Variants in ME2 observed in about 807,000 individuals in gnomAD.
ME2 encodes the protein malic enzyme 2, also known as NAD-dependent malic enzyme, mitochondrial.
ME2 carries 60 observed loss-of-function variants against 73.7 expected under a neutral mutation model. The observed-to-expected ratio is 0.81, with a 90% confidence interval of 0.66 to 1.01. The LOEUF is 1.01. ME2 is among the 50% of genes least tolerant of loss of function. The probability of loss-of-function intolerance (pLI) is 0.00; values close to 1 mark genes in which losing one functional copy is unlikely to be tolerated. For synonymous variants in ME2, 199 were observed against 236.9 expected, an observed-to-expected ratio of 0.84 and a Z score of 1.47; for missense variants, 594 against 705.5, an observed-to-expected ratio of 0.84 and a Z score of 1.79.
intron 2 of ME2, among the ~76,000 whole-genome samples, chr18:50,904,140 T>C (rs1383732196): frequency 6.6e-6 from 1 of 152,240 alleles, no homozygotes; most frequent in Admixed American, 6.5e-5. Context: ...TTAAAGTCTG[T>C]TTTGTCTATT....
chr18:50,921,238 T>C, intron 10 of ME2, 51 bp downstream of exon 10: 1 of 943,818 alleles, frequency 1.1e-6, no homozygotes, highest in Non-Finnish European at 1.6e-6. Context: ...TATTTTTAGT[T>C]GGATTTTTAA....
chr18:50,919,800 T>C (rs552636061), intron 7 of ME2, among the ~76,000 whole-genome samples: 132 of 152,138 alleles, frequency 8.7e-4, no homozygotes, highest in Non-Finnish European at 1.5e-3. Context: ...AGAAAGTCCC[T>C]CTTCTCTAAT....
intron 15 of ME2, among the ~76,000 whole-genome samples, chr18:50,942,041 A>T (rs917354480): frequency 2.0e-5 from 3 of 151,938 alleles, no homozygotes; most frequent in African/African-American, 7.3e-5. Flanking sequence ...AAAGTTTTTT[A>T]TGGAATTATT....
intron 1 of ME2, among the ~76,000 whole-genome samples, chr18:50,891,240 TAGAG>T (rs1347495472): frequency 8.5e-5 from 13 of 152,156 alleles, no homozygotes; most frequent in African/African-American, 1.7e-4. Context: ...TTATTTCAAA[TAGAG>T]AGAATTTAAG....
intron 12 of ME2, among the ~76,000 whole-genome samples, chr18:50,926,500 C>T (rs1917556544): frequency 6.6e-6 from 1 of 152,098 alleles, no homozygotes; most frequent in African/African-American, 2.4e-5. Flanking sequence ...TGTATTTATT[C>T]CACATGGGGA....
At chr18:50,936,785 G>C (rs988326133) in intron 13 of ME2, among the ~76,000 whole-genome samples, 7 of 152,084 alleles carry the variant, frequency 4.6e-5, no homozygotes, top group African/African-American at 1.7e-4. Flanking sequence ...AATTTAACTA[G>C]CCAGGTGTGG....
intron 4 of ME2, among the ~76,000 whole-genome samples, chr18:50,913,747 C>T (rs757046511): frequency 6.6e-6 from 1 of 151,862 alleles, no homozygotes; most frequent in Non-Finnish European, 1.5e-5. Flanking sequence ...GAATGAGTCG[C>T]GTGATCCCCA....
rs1918241405 is a variant in ME2 at position 50,952,211 on chromosome 18, A to G, written c.*5027A>G. ...TATTTAAAAAGTTCACAGCAATTTGACCATAGAAAACTTTCTCATCTGAAA... is the reference window on the plus strand; with the variant it reads ...TATTTAAAAAGTTCACAGCAATTTGGCCATAGAAAACTTTCTCATCTGAAA... On this transcript the variant is annotated 3_prime_UTR_variant, in exon 16 of 16. Transcript: ENST00000321341. The G allele has an allele frequency of 6.6e-6, 1 of 152,210 alleles. No individual in the cohort carries two copies. 9.4% of individuals were successfully genotyped at this position (152,210 alleles called of 1,614,324 possible).
rs1442378872 is a variant in ME2 at position 50,920,521 on chromosome 18, G to A, written c.800G>A (p.Arg267Lys). The A allele has an allele frequency of 1.2e-6, 2 of 1,600,246 alleles. No homozygotes were observed. Among genetic ancestry groups the A allele is most frequent in the African/African-American group, 1.4e-5 (1 of 73,824 alleles). Residue 267 changes from arginine to lysine, a missense_variant, in exon 8 of 16, where the codon AGA becomes AAA. Transcript: ENST00000321341. Reference sequence around the variant, plus strand: ...AATCATAATGCATTCAGGTTCTTGAGAAAGTACCGAGAAAAATATTGTACT... The same window carrying A: ...AATCATAATGCATTCAGGTTCTTGAAAAAGTACCGAGAAAAATATTGTACT... Reference protein sequence around the residue: ...FGNHNAFRFLRKYREKYCTFN... With the variant: ...FGNHNAFRFLKKYREKYCTFN...
At position 50,952,561 on chromosome 18, in the gene ME2, T is replaced by C. The variant is rs1464020864; in HGVS notation, c.*5377T>C. 6.6e-6 allele frequency: 1 copy of C among 152,344 alleles called. No homozygotes were observed. Among genetic ancestry groups the C allele is most frequent in the African/African-American group, 2.4e-5 (1 of 41,584 alleles). 9.4% of individuals were successfully genotyped at this position (152,344 alleles called of 1,614,324 possible). On this transcript the variant is annotated 3_prime_UTR_variant, in exon 16 of 16. Coordinates refer to ENST00000321341, the MANE Select transcript of ME2 (RefSeq NM_002396.5). ...GCATTTTGTCAACAAACTTTTCATATGGCTATAGAATCTTGTTTTTTCCAA... is the reference window on the plus strand; with the variant it reads ...GCATTTTGTCAACAAACTTTTCATACGGCTATAGAATCTTGTTTTTTCCAA...
At chr18:50,927,721 C>CATATATATGTATAT in intron 12 of ME2, among the ~76,000 whole-genome samples, 1 of 85,450 alleles carries the variant, frequency 1.2e-5, no homozygotes, top group South Asian at 5.7e-4. Context: ...CCCAAAAAAC[C>CATATATATGTATAT]ATATATATAT....
intron 1 of ME2, among the ~76,000 whole-genome samples, chr18:50,879,888 T>C (rs1916271369): frequency 6.6e-6 from 1 of 152,242 alleles, no homozygotes; most frequent in Non-Finnish European, 1.5e-5. Context: ...TGGCGATAAC[T>C]ATCTCTGCAT....
At chr18:50,926,761 T>C (rs1488435605) in intron 12 of ME2, among the ~76,000 whole-genome samples, 2 of 152,240 alleles carry the variant, frequency 1.3e-5, no homozygotes, top group Admixed American at 6.5e-5. Flanking sequence ...AGATTCTCTG[T>C]TCAGCTGTGC....
At chr18:50,946,972 AG>A in intron 15 of ME2, 44 bp from the exon 16 acceptor site, 1 of 1,370,528 alleles carries the variant, frequency 7.3e-7, no homozygotes, top group African/African-American at 1.4e-5. Flanking sequence ...TCTCTCTAAT[AG>A]GTTAATACTC....
chr18:50,880,723 T>C (rs1178780999), intron 1 of ME2, among the ~76,000 whole-genome samples: 1 of 152,140 alleles, frequency 6.6e-6, no homozygotes, highest in Non-Finnish European at 1.5e-5. Flanking sequence ...TAGCTCCTAA[T>C]ATGACTTTTA....
chr18:50,879,516 G>T (rs1157311604), intron 1 of ME2, among the ~76,000 whole-genome samples: 1 of 152,192 alleles, frequency 6.6e-6, no homozygotes, highest in African/African-American at 2.4e-5. Context: ...GCTACATCGC[G>T]GCGACCCAGG....
At chr18:50,937,712 G>A (rs1365912389) in intron 13 of ME2, among the ~76,000 whole-genome samples, 4 of 151,878 alleles carry the variant, frequency 2.6e-5, no homozygotes, top group Non-Finnish European at 4.4e-5. Context: ...AGCAAAACAA[G>A]CTCCTAAAAA....
chr18:50,906,708 T>C (rs1279670364), intron 2 of ME2, among the ~76,000 whole-genome samples: 1 of 152,232 alleles, frequency 6.6e-6, no homozygotes. Flanking sequence ...AGACAAAGAC[T>C]TAAATGCTTG....
chr18:50,912,711 A>G (rs972684263), intron 3 of ME2, 90 bp from the exon 4 acceptor site: 4 of 1,107,294 alleles, frequency 3.6e-6, no homozygotes, highest in African/African-American at 3.2e-5. Context: ...CTCAATTTCA[A>G]TTTTAGACAT....
Sources: gnomAD v4.1 joint callset for allele counts (sites outside exome capture counted in the v4.1 genomes callset) on GRCh38, gnomAD v4.1.1 for gene constraint, MANE v1.5 for transcripts, NCBI Gene and HGNC (gene_info 2026-07-23, HGNC 2026-07-21) for gene names.